CTNND2: variants seen among roughly 807,000 people sequenced by gnomAD.
CTNND2 encodes the protein catenin delta 2.
In CTNND2, 22 loss-of-function variants were observed where a neutral mutation model predicts 144.4. That is an observed-to-expected ratio of 0.15 (90% confidence interval 0.11 to 0.22). The LOEUF (loss-of-function observed/expected upper bound fraction) is 0.22, where lower values mean the gene tolerates loss of function less well. Among genes scored for constraint, CTNND2 ranks in the 10% least tolerant of loss-of-function variants. The probability of loss-of-function intolerance (pLI) is 1.00; values close to 1 mark genes in which losing one functional copy is unlikely to be tolerated. For synonymous variants in CTNND2, 751 were observed against 695.6 expected (o/e 1.08, Z -1.25); for missense variants, 1,353 against 1,618.8 (o/e 0.84, Z 2.82).
At position 11,903,744 on chromosome 5, in the gene CTNND2, C is replaced by T; in HGVS notation, c.37+73G>A. On this transcript the variant is annotated intron_variant, in intron 1 of 21. Transcript: ENST00000304623. This position sits in a 1 kb window ranked among gnomAD's most constrained non-coding sequence, Gnocchi z 5.4. The stretch of plus-strand genomic sequence containing the variant: ...GCCGGGAGCCCAGGACCACCCCCAC[C>T]AGCGGCAAGAGGAGGAGGACGGCGC... 7.0e-7 allele frequency: 1 copy of T among 1,426,536 alleles called. No homozygotes were observed. The highest frequency in any genetic ancestry group is 3.1e-5 in the East Asian group (1 of 32,604). The allele number at this position is 1,426,536 out of a possible 1,614,324, so 88.4% of individuals were successfully genotyped here.
chr5:11,775,547 T>C (rs1467641395), intron 1 of CTNND2, among the ~76,000 whole-genome samples: 1 of 152,180 alleles, frequency 6.6e-6, no homozygotes, highest in East Asian at 1.9e-4. Flanking sequence ...CCCCTTGGAG[T>C]ATTTACAGCT....
chr5:11,787,944 C>G (rs893667291), intron 1 of CTNND2, among the ~76,000 whole-genome samples: 17 of 152,192 alleles, frequency 1.1e-4, no homozygotes, highest in Non-Finnish European at 2.4e-4. Flanking sequence ...TCCAACAAAA[C>G]ACAGTAGACA....
At chr5:11,741,093 A>G (rs1787976379) in intron 1 of CTNND2, among the ~76,000 whole-genome samples, 1 of 152,222 alleles carries the variant, frequency 6.6e-6, no homozygotes, top group Admixed American at 6.5e-5. Flanking sequence ...GATGTGGAGA[A>G]ATAAGAATGC....
intron 2 of CTNND2, among the ~76,000 whole-genome samples, chr5:11,673,867 A>C (rs1784031366): frequency 6.6e-6 from 1 of 152,218 alleles, no homozygotes; most frequent in African/African-American, 2.4e-5. Flanking sequence ...TCAGAGCCAC[A>C]GAGAGAGTGA....
At chr5:11,023,499 G>A (rs935509266) in intron 16 of CTNND2, among the ~76,000 whole-genome samples, 5 of 152,162 alleles carry the variant, frequency 3.3e-5, no homozygotes, top group Non-Finnish European at 7.3e-5. Flanking sequence ...GCAAAAATGT[G>A]TGGGGAACAT....
intron 2 of CTNND2, among the ~76,000 whole-genome samples, chr5:11,719,715 T>A (rs1449738053): frequency 6.6e-6 from 1 of 152,146 alleles, no homozygotes; most frequent in East Asian, 1.9e-4. Flanking sequence ...GTTCATTTAG[T>A]TAAATCTTCA....
intron 6 of CTNND2, among the ~76,000 whole-genome samples, chr5:11,391,911 C>T (rs185445161): frequency 7.3e-4 from 111 of 152,264 alleles, no homozygotes; most frequent in Non-Finnish European, 9.4e-4. Context: ...AACGGAAAAC[C>T]CAAGGTACTT....
At chr5:11,577,834 C>G (rs953015274) in intron 2 of CTNND2, among the ~76,000 whole-genome samples, 1 of 152,112 alleles carries the variant, frequency 6.6e-6, no homozygotes, top group African/African-American at 2.4e-5. Flanking sequence ...GTTTCACTGA[C>G]AAGAAAATAG....
At chr5:11,901,844 T>C (rs577685224) in intron 1 of CTNND2, among the ~76,000 whole-genome samples, 6 of 152,312 alleles carry the variant, frequency 3.9e-5, no homozygotes, top group African/African-American at 1.4e-4. Context: ...TTAAAAATCA[T>C]GTTTAAGAAT....
chr5:11,200,605 C>G (rs1235398376), intron 10 of CTNND2, among the ~76,000 whole-genome samples: 2 of 152,288 alleles, frequency 1.3e-5, no homozygotes, highest in African/African-American at 2.4e-5. Flanking sequence ...TACAGAAAAA[C>G]TCATTCATGT....
At chr5:11,662,183 ATG>A (rs1442895319) in intron 2 of CTNND2, among the ~76,000 whole-genome samples, 1 of 135,508 alleles carries the variant, frequency 7.4e-6, no homozygotes, top group Non-Finnish European at 1.7e-5. Context: ...ATATACATAT[ATG>A]TGTATATATG....
chr5:11,800,218 T>C (rs1003733593), intron 1 of CTNND2, among the ~76,000 whole-genome samples: 1 of 152,228 alleles, frequency 6.6e-6, no homozygotes, highest in African/African-American at 2.4e-5. Flanking sequence ...ACTCCCACTA[T>C]AGAGTATCAA....
intron 3 of CTNND2, among the ~76,000 whole-genome samples, chr5:11,506,211 T>C (rs1352012336): frequency 2.6e-5 from 4 of 152,102 alleles, no homozygotes; most frequent in African/African-American, 7.2e-5. Context: ...GATTGGCCAA[T>C]AGGGCAGGCT....
At chr5:11,090,742 C>T (rs1243757804) in intron 15 of CTNND2, among the ~76,000 whole-genome samples, 1 of 152,086 alleles carries the variant, frequency 6.6e-6, no homozygotes, top group African/African-American at 2.4e-5. Flanking sequence ...GCTGTGTCTG[C>T]TAGACACCAA....
chr5:11,532,719 A>C lies in CTNND2; in HGVS notation c.287+32225T>G, dbSNP rs1220297115. On this transcript the variant is annotated intron_variant, in intron 3 of 21. Transcript: ENST00000304623. ...AGGTTCAATATCGCAAAACAAAATCAAGAAGGGCCTTAAAGAAAAAGGACA... is the reference window on the plus strand; with the variant it reads ...AGGTTCAATATCGCAAAACAAAATCCAGAAGGGCCTTAAAGAAAAAGGACA... Among the ~76,000 whole-genome samples the C allele has an allele frequency of 2.0e-5, 3 of 152,348 alleles. No homozygotes were observed. In the East Asian group the frequency reaches 5.8e-4, roughly 29 times the overall value.
At chr5:11,656,807 A>G (rs1022316210) in intron 2 of CTNND2, among the ~76,000 whole-genome samples, 2 of 152,138 alleles carry the variant, frequency 1.3e-5, no homozygotes, top group Non-Finnish European at 2.9e-5. Flanking sequence ...ACATTTCTTC[A>G]ATTTTAATGG....
chr5:11,328,867 G>T (rs1363333614), intron 9 of CTNND2, among the ~76,000 whole-genome samples: 1 of 152,222 alleles, frequency 6.6e-6, no homozygotes, highest in African/African-American at 2.4e-5. Context: ...TCCAGACTGA[G>T]CCTCTTGTAT....
intron 2 of CTNND2, among the ~76,000 whole-genome samples, chr5:11,616,988 T>C (rs1780613222): frequency 6.6e-6 from 1 of 152,216 alleles, no homozygotes; most frequent in Non-Finnish European, 1.5e-5. Flanking sequence ...GTATTGCCTG[T>C]AAGGATTTAT....
chr5:11,210,551 A>G (rs1738521554), intron 10 of CTNND2, among the ~76,000 whole-genome samples: 1 of 152,224 alleles, frequency 6.6e-6, no homozygotes, highest in Admixed American at 6.5e-5. Context: ...TTACTAATCT[A>G]ATTATCTCTT....
Sources: allele counts gnomAD v4.1 joint callset (sites outside exome capture counted in the v4.1 genomes callset), GRCh38; gene constraint gnomAD v4.1.1; non-coding constraint Gnocchi (gnomAD v3.1); transcripts MANE v1.5; gene names NCBI Gene and HGNC (gene_info 2026-07-23, HGNC 2026-07-21).